Variants in IFIH1 observed in about 807,000 individuals in gnomAD.
The protein encoded by IFIH1 is interferon-induced helicase C domain-containing protein 1.
IFIH1 carries 125 observed loss-of-function variants against 107.4 expected under a neutral mutation model. The ratio of observed to expected loss-of-function variants is 1.16; its 90% CI spans 1.01 to 1.35. The LOEUF (loss-of-function observed/expected upper bound fraction) is 1.35, where lower values mean the gene tolerates loss of function less well. Ranked by LOEUF, IFIH1 falls within the 40% of genes most tolerant of loss-of-function variation. IFIH1 has a pLI of 0.00. For missense variants in IFIH1, 1,333 were observed against 1,213.7 expected, an observed-to-expected ratio of 1.10 and a Z score of -1.46; for synonymous variants, 458 against 413.2, an observed-to-expected ratio of 1.11 and a Z score of -1.31.
intron 1 of IFIH1, among the ~76,000 whole-genome samples, chr2:162,315,800 C>T (rs1576241552): frequency 6.6e-6 from 1 of 152,220 alleles, no homozygotes; most frequent in Non-Finnish European, 1.5e-5. Context: ...AAACTTAATG[C>T]TTCCGTCTCA....
chr2:162,276,020 T>C (rs1468388408), intron 11 of IFIH1, among the ~76,000 whole-genome samples: 2 of 152,164 alleles, frequency 1.3e-5, no homozygotes, highest in East Asian at 3.9e-4. Context: ...TTTGTGGGAG[T>C]TTGAATTTTC....
chr2:162,298,100 A>T (rs1246911259), intron 3 of IFIH1, among the ~76,000 whole-genome samples: 2 of 152,188 alleles, frequency 1.3e-5, no homozygotes, highest in African/African-American at 4.8e-5. Context: ...GCCTTTTTAG[A>T]TCTATTTCAA....
intron 7 of IFIH1, 61 bp from the exon 8 acceptor site, chr2:162,280,173 G>T: frequency 2.3e-6 from 2 of 874,816 alleles, no homozygotes; most frequent in Non-Finnish European, 3.7e-6. Context: ...TTTATTCAAC[G>T]TAGAACTCTT....
intron 3 of IFIH1, among the ~76,000 whole-genome samples, chr2:162,302,497 T>C (rs1683210228): frequency 6.6e-6 from 1 of 152,150 alleles, no homozygotes; most frequent in Non-Finnish European, 1.5e-5. Flanking sequence ...CTAAACATTA[T>C]CAATATCAAG....
intron 1 of IFIH1, among the ~76,000 whole-genome samples, chr2:162,316,619 T>C (rs779050998): frequency 6.6e-6 from 1 of 152,128 alleles, no homozygotes; most frequent in Non-Finnish European, 1.5e-5. Context: ...CAGAAGTTTG[T>C]ATGAATATAC....
chr2:162,272,503 T>C (rs953987402), intron 12 of IFIH1, 116 bp from the exon 13 acceptor site: 1 of 837,884 alleles, frequency 1.2e-6, no homozygotes, highest in South Asian at 1.8e-5. Context: ...TTGTTCAGCA[T>C]GCCAGTCTTC....
Position 162,318,211 on chromosome 2 carries a change from C to A in IFIH1, c.97G>T (p.Asp33Tyr), listed in dbSNP as rs376719866. 6.2e-6 allele frequency: 10 copies of A among 1,614,172 alleles called. No homozygotes were observed. Among genetic ancestry groups the A allele is most frequent in the Non-Finnish European group, 8.5e-6 (10 of 1,180,020 alleles). Residue 33 changes from aspartate to tyrosine, a missense_variant, in exon 1 of 16, where the codon GAC becomes TAC. Coordinates refer to ENST00000649979, the MANE Select transcript of IFIH1 (RefSeq NM_022168.4). ...KMYIQVEPVLDYLTFLPAEVK... is the reference protein window; with the variant it reads ...KMYIQVEPVLYYLTFLPAEVK... ...TCTGCAGGCAGAAAGGTCAGGTAGT[C>A]CAGCACAGGCTCCACCTGGATGTAC... is the stretch of plus-strand genomic sequence containing the variant.
intron 1 of IFIH1, among the ~76,000 whole-genome samples, chr2:162,311,297 G>A (rs1023131749): frequency 1.3e-5 from 2 of 151,962 alleles, no homozygotes; most frequent in Non-Finnish European, 2.9e-5. Flanking sequence ...GCCATGTTAT[G>A]TCTATTTTCA....
In IFIH1 at chr2:162,318,478, G is replaced by C. The variant is rs1683560491; in HGVS notation, c.-171C>G. 2 of 580,542 alleles carry C rather than the reference G, an allele frequency of 3.4e-6. No homozygotes were observed. Among genetic ancestry groups the C allele is most frequent in the Admixed American group, 3.3e-5 (1 of 30,128 alleles). 36.0% of individuals were successfully genotyped at this position (580,542 alleles called of 1,614,324 possible). On this transcript the variant is annotated 5_prime_UTR_variant, in exon 1 of 16. Coordinates refer to ENST00000649979, the MANE Select transcript of IFIH1 (RefSeq NM_022168.4). The stretch of plus-strand genomic sequence containing the variant: ...ACAGGGCTCTCAGGCCGGCGCGCGG[G>C]GCTGCACTCGCACCTGGGCAGGTGG...
chr2:162,274,013 G>T, intron 11 of IFIH1, 69 bp from the exon 12 acceptor site: 1 of 1,083,606 alleles, frequency 9.2e-7, no homozygotes, highest in Middle Eastern at 2.1e-4. Context: ...ATTAGAGGAA[G>T]AAATAATAAA....
chr2:162,286,773 T>C (rs1682901381), intron 5 of IFIH1, among the ~76,000 whole-genome samples: 1 of 151,936 alleles, frequency 6.6e-6, no homozygotes, highest in Admixed American at 6.6e-5. Context: ...CTGGTTATGT[T>C]ACTTAGTTTC....
chr2:162,268,502 C>T (rs1285188220), intron 13 of IFIH1, among the ~76,000 whole-genome samples: 1 of 152,156 alleles, frequency 6.6e-6, no homozygotes, highest in African/African-American at 2.4e-5. Flanking sequence ...AAAAGTAGCC[C>T]ATTCCATTTC....
chr2:162,288,948 C>G (rs1576229956), intron 4 of IFIH1, among the ~76,000 whole-genome samples: 3 of 144,264 alleles, frequency 2.1e-5, no homozygotes, highest in Non-Finnish European at 2.9e-5. Flanking sequence ...CACACACACA[C>G]ACACACACAG....
chr2:162,267,138 A>C lies in IFIH1; in HGVS notation c.*62T>G. On this transcript the variant is annotated 3_prime_UTR_variant, in exon 16 of 16. Transcript: ENST00000649979. ...GTCAGTTCTGTAGCATAATGAATAC[A>C]TTAATCATAATCATATTAAATGTTT... 1 of 1,178,280 alleles carries C rather than the reference A, an allele frequency of 8.5e-7. No homozygotes were observed. The highest frequency in any genetic ancestry group is 1.2e-6 in the Non-Finnish European group (1 of 829,700). 73.0% of individuals were successfully genotyped at this position (1,178,280 alleles called of 1,614,324 possible). A position where few individuals can be genotyped will look rare whatever the true frequency, so the allele number is the denominator to read the frequency against.
chr2:162,284,284 A>G (rs16846565), intron 5 of IFIH1, among the ~76,000 whole-genome samples: 5,331 of 152,060 alleles, frequency 0.035, 463 homozygotes, highest in Admixed American at 0.21. Context: ...AATTAAGTTT[A>G]GTGGAAAGAG....
At chr2:162,280,873 T>A (rs542673978) in intron 7 of IFIH1, among the ~76,000 whole-genome samples, 9 of 152,084 alleles carry the variant, frequency 5.9e-5, no homozygotes, top group Admixed American at 3.3e-4. Context: ...TCTTTAAAGA[T>A]CTTCATATCC....
intron 3 of IFIH1, among the ~76,000 whole-genome samples, chr2:162,303,977 G>A (rs1315040363): frequency 6.6e-6 from 1 of 152,050 alleles, no homozygotes; most frequent in Non-Finnish European, 1.5e-5. Context: ...AGCTTGTAAA[G>A]GACATTTATT....
Position 162,267,078 on chromosome 2 carries a change from A to G in IFIH1, c.*122T>C, listed in dbSNP as rs1341525275. The G allele has an allele frequency of 5.1e-6, 4 of 778,092 alleles. No individual in the cohort carries two copies. Among genetic ancestry groups the G allele is most frequent in the African/African-American group, 3.6e-5 (2 of 56,306 alleles). The allele number at this position is 778,092 out of a possible 1,614,324, so 48.2% of individuals were successfully genotyped here. A position where few individuals can be genotyped will look rare whatever the true frequency, so the allele number is the denominator to read the frequency against. On this transcript the variant is annotated 3_prime_UTR_variant, in exon 16 of 16. Coordinates refer to ENST00000649979, the MANE Select transcript of IFIH1 (RefSeq NM_022168.4). ...ATATTGTGTTCTTAAAAAGAGTTCA[A>G]TGCAGAGTAAAACAATCATTTTATT...
At chr2:162,309,677 T>C (rs192797253) in intron 2 of IFIH1, among the ~76,000 whole-genome samples, 1 of 152,374 alleles carries the variant, frequency 6.6e-6, no homozygotes, top group East Asian at 1.9e-4. Flanking sequence ...TTGGTTGTTC[T>C]CTTTATAACA....
Sources: allele counts gnomAD v4.1 joint callset (sites outside exome capture counted in the v4.1 genomes callset), GRCh38; gene constraint gnomAD v4.1.1; transcripts MANE v1.5; gene names NCBI Gene and HGNC (gene_info 2026-07-23, HGNC 2026-07-21).